Variants in MAPRE2 observed in about 807,000 individuals in gnomAD.
MAPRE2 encodes the protein microtubule-associated protein RP/EB family member 2.
Under a neutral mutation model 43.2 loss-of-function variants are expected in MAPRE2, and 13 were observed. That is an observed-to-expected ratio of 0.30 (90% CI 0.20 to 0.48). The LOEUF (loss-of-function observed/expected upper bound fraction) is 0.48. Ranked by LOEUF, MAPRE2 falls within the 20% of genes least tolerant of loss-of-function variation. The pLI, the probability that MAPRE2 is intolerant of heterozygous loss-of-function variation, is 0.99. For missense variants in MAPRE2, 161 were observed against 400.2 expected, an observed-to-expected ratio of 0.40 and a Z score of 5.10; for synonymous variants, 135 against 148.8, an observed-to-expected ratio of 0.91 and a Z score of 0.68.
intron 1 of MAPRE2, among the ~76,000 whole-genome samples, chr18:35,056,621 ATCTAC>A (rs61571276): frequency 0.038 from 5,743 of 152,256 alleles, 323 homozygotes; most frequent in African/African-American, 0.13. Context: ...TAACACATGT[ATCTAC>A]TCTAGAACTA....
chr18:35,034,029 G>C (rs944193235), intron 2 of MAPRE2, among the ~76,000 whole-genome samples: 3 of 151,694 alleles, frequency 2.0e-5, no homozygotes, highest in African/African-American at 7.3e-5. Context: ...AGTTCATATG[G>C]AACCAAAAAA....
intron 2 of MAPRE2, among the ~76,000 whole-genome samples, chr18:35,087,921 C>T (rs772195445): frequency 6.6e-5 from 10 of 152,166 alleles, no homozygotes; most frequent in East Asian, 1.9e-4. Context: ...CTTCATGCTG[C>T]GTCATTCCAT....
At chr18:34,990,399 G>A (rs490831) in intron 1 of MAPRE2, among the ~76,000 whole-genome samples, 128,648 of 152,134 alleles carry the variant, frequency 0.85, 54,752 homozygotes, top group East Asian at 0.97. Context: ...CAGAATGCTT[G>A]TCTGACAGGA....
chr18:35,127,836 C>T (rs186582971), intron 5 of MAPRE2, among the ~76,000 whole-genome samples: 74 of 152,296 alleles, frequency 4.9e-4, no homozygotes, highest in African/African-American at 1.7e-3. Context: ...TAACTAGCTC[C>T]ACTAGTCTTT....
chr18:34,990,739 G>A (rs2097023343), intron 1 of MAPRE2, among the ~76,000 whole-genome samples: 1 of 152,098 alleles, frequency 6.6e-6, no homozygotes, highest in Non-Finnish European at 1.5e-5. Context: ...AGATTTATCA[G>A]GCTGGGCATG....
At chr18:35,123,050 C>T (rs1487582388) in intron 4 of MAPRE2, among the ~76,000 whole-genome samples, 6 of 152,244 alleles carry the variant, frequency 3.9e-5, no homozygotes, top group Non-Finnish European at 5.9e-5. Context: ...CCATGCTGAG[C>T]GCCTCCAGCG....
At chr18:35,136,567 T>C (rs1470535596) in intron 6 of MAPRE2, among the ~76,000 whole-genome samples, 3 of 152,182 alleles carry the variant, frequency 2.0e-5, no homozygotes, top group African/African-American at 2.4e-5. Context: ...TTGTGTTGGA[T>C]GTTACAGGGT....
At chr18:34,985,502 AT>A (rs377021944) in intron 1 of MAPRE2, among the ~76,000 whole-genome samples, 29 of 41,924 alleles carry the variant, frequency 6.9e-4, no homozygotes, top group African/African-American at 2.8e-3. Context: ...ATATTATATA[AT>A]ATATAATATA....
intron 1 of MAPRE2, among the ~76,000 whole-genome samples, chr18:34,981,328 A>T (rs899977116): frequency 2.5e-4 from 38 of 152,092 alleles, no homozygotes; most frequent in African/African-American, 8.9e-4. Flanking sequence ...CAGTGATCTA[A>T]GATTTCACCA....
At chr18:35,070,432 C>A in intron 2 of MAPRE2, 110 bp downstream of exon 2, 2 of 921,128 alleles carry the variant, frequency 2.2e-6, no homozygotes, top group Non-Finnish European at 3.1e-6. Context: ...GTATATATTG[C>A]TATTGGCATG....
At chr18:35,139,618 C>T (rs12967102) in intron 6 of MAPRE2, among the ~76,000 whole-genome samples, 20,478 of 152,250 alleles carry the variant, frequency 0.13, 1,575 homozygotes, top group South Asian at 0.24. Context: ...TCCCAAAGTC[C>T]TTGAGCTAAA....
intron 2 of MAPRE2, among the ~76,000 whole-genome samples, chr18:35,078,457 G>GT (rs1327346646): frequency 1.3e-5 from 2 of 152,182 alleles, no homozygotes; most frequent in East Asian, 3.9e-4. Flanking sequence ...TTTTCAGTGT[G>GT]TTTTTATATG....
At chr18:34,983,390 G>C (rs1238266191) in intron 1 of MAPRE2, among the ~76,000 whole-genome samples, 1 of 152,140 alleles carries the variant, frequency 6.6e-6, no homozygotes, top group Non-Finnish European at 1.5e-5. Context: ...CAGAGCTCTA[G>C]AAAATGTGAA....
intron 1 of MAPRE2, among the ~76,000 whole-genome samples, chr18:34,977,481 G>T (rs1189703178): frequency 1.3e-5 from 2 of 152,230 alleles, no homozygotes; most frequent in African/African-American, 2.4e-5. Flanking sequence ...GCGCGACCGC[G>T]GCGCACGACC....
chr18:35,039,290 G>A (rs867157120), upstream of MAPRE2, among the ~76,000 whole-genome samples: 7 of 152,358 alleles, frequency 4.6e-5, no homozygotes, highest in Middle Eastern at 3.4e-3. Context: ...ATTGACAGCA[G>A]CAGGTCAAGT....
chr18:34,981,051 T>G (rs2097015951), intron 1 of MAPRE2, among the ~76,000 whole-genome samples: 1 of 151,838 alleles, frequency 6.6e-6, no homozygotes, highest in South Asian at 2.1e-4. Flanking sequence ...GAAAAAGAAC[T>G]GGGGAGGCAC....
chr18:35,007,698 G>T (rs745713070), intron 2 of MAPRE2, among the ~76,000 whole-genome samples: 2 of 152,196 alleles, frequency 1.3e-5, no homozygotes, highest in African/African-American at 2.4e-5. Flanking sequence ...ACCATCATTA[G>T]TCCCTCTCCC....
chr18:35,127,974 G>A (rs960136638), intron 5 of MAPRE2, among the ~76,000 whole-genome samples: 4 of 152,222 alleles, frequency 2.6e-5, no homozygotes, highest in East Asian at 3.8e-4. Context: ...CTACCCTGCC[G>A]CTATGAGAGG....
chr18:35,078,687 G>A (rs569138364), intron 2 of MAPRE2, among the ~76,000 whole-genome samples: 14 of 152,252 alleles, frequency 9.2e-5, no homozygotes, highest in African/African-American at 3.4e-4. Flanking sequence ...ATGTGTTTCT[G>A]ATTCTTTCCA....
Sources: allele counts gnomAD v4.1 joint callset (sites outside exome capture counted in the v4.1 genomes callset), GRCh38; gene constraint gnomAD v4.1.1; transcripts MANE v1.5; gene names NCBI Gene and HGNC (gene_info 2026-07-23, HGNC 2026-07-21).